The following CDKL5 variants were observed in gnomAD, a reference collection of about 807,000 sequenced individuals.
The protein encoded by CDKL5 is cyclin dependent kinase like 5.
A neutral mutation model predicts 61.7 loss-of-function variants in CDKL5; 8 were observed. The observed-to-expected ratio is 0.13, with a 90% CI of 0.08 to 0.23. The LOEUF (loss-of-function observed/expected upper bound fraction) is 0.23, where lower values mean the gene tolerates loss of function less well. Among genes scored for constraint, CDKL5 ranks in the 10% least tolerant of loss-of-function variants. The probability of loss-of-function intolerance (pLI) is 1.00; values close to 1 mark genes in which losing one functional copy is unlikely to be tolerated. For missense variants in CDKL5, 440 were observed against 734.5 expected, an observed-to-expected ratio of 0.60 and a Z score of 4.63; for synonymous variants, 275 against 272.3, an observed-to-expected ratio of 1.01 and a Z score of -0.10.
chrX:18,613,925 A>G (rs761430581), intron 15 of CDKL5, among the ~76,000 whole-genome samples: 27 of 112,336 alleles, frequency 2.4e-4, no homozygotes, highest in Middle Eastern at 4.2e-3. Context: ...CATCTAATAA[A>G]TATTTAGGGA....
At chrX:18,647,159 C>T (rs776252413) in intron 20 of CDKL5, 78 of 1,204,687 alleles carry the variant, frequency 6.5e-5, no homozygotes, top group Non-Finnish European at 1.1e-6. Context: ...TTTTTAAAAG[C>T]ACATGAAAAA....
downstream of CDKL5, chrX:18,642,058 G>T (rs281865360): frequency 8.3e-7 from 1 of 1,211,645 alleles, no homozygotes; most frequent in Admixed American, 2.2e-5. Flanking sequence ...CAATGCGGAC[G>T]TGCCAGCCCA....
intron 1 of CDKL5, among the ~76,000 whole-genome samples, chrX:18,501,887 T>C (rs1195801621): frequency 3.5e-5 from 4 of 112,725 alleles, no homozygotes; most frequent in Non-Finnish European, 7.5e-5. Flanking sequence ...CAGAACTTTT[T>C]GGGTCTTCTT....
At position 18,613,251 on chromosome X, in the gene CDKL5, A is replaced by G. The variant is rs1279593666; in HGVS notation, c.2252A>G (p.Lys751Arg). The G allele has an allele frequency of 8.3e-7, 1 of 1,203,942 alleles. No homozygotes were observed. ...SESSSGTNHSKRQPAFDPWKS... is the reference protein window; with the variant it reads ...SESSSGTNHSRRQPAFDPWKS... ...AGCAGTTCTGGAACCAACCACTCAA[A>G]AAGACAACCAGCATTCGATCCATGG... Residue 751 changes from lysine (K) to arginine (R), a missense_variant, in exon 15 of 18, where the codon AAA becomes AGA. By Grantham distance (26) the Lys-to-Arg change is conservative (BLOSUM62 2). Transcript: ENST00000623535.
intron 1 of CDKL5, among the ~76,000 whole-genome samples, chrX:18,458,061 C>A (rs1373622925): frequency 1.9e-5 from 2 of 106,501 alleles, no homozygotes; most frequent in African/African-American, 6.9e-5. Flanking sequence ...GCTGGGATTA[C>A]AGGCATGCGC....
At chrX:18,451,109 T>C (rs1221941336) in intron 1 of CDKL5, among the ~76,000 whole-genome samples, 1 of 111,803 alleles carries the variant, frequency 8.9e-6, no homozygotes, top group Non-Finnish European at 1.9e-5. Flanking sequence ...CCTTGGTAGG[T>C]ATAGAGTAAA....
At chrX:18,480,303 C>G (rs779714698) in intron 1 of CDKL5, among the ~76,000 whole-genome samples, 6 of 111,351 alleles carry the variant, frequency 5.4e-5, no homozygotes, top group Non-Finnish European at 1.1e-4. Flanking sequence ...TGATGTTTTC[C>G]TTGTGATTAG....
intron 11 of CDKL5, among the ~76,000 whole-genome samples, chrX:18,602,613 G>A (rs778652716): frequency 4.5e-5 from 5 of 111,240 alleles, no homozygotes; most frequent in South Asian, 3.8e-4. Flanking sequence ...AGGCTTGCTC[G>A]ATATCAGATT....
intron 3 of CDKL5, among the ~76,000 whole-genome samples, chrX:18,550,507 T>G (rs1404081454): frequency 2.7e-5 from 3 of 112,570 alleles, no homozygotes; most frequent in Non-Finnish European, 5.6e-5. Flanking sequence ...TACAGAAAAT[T>G]TAAAAGCTAC....
intron 8 of CDKL5, among the ~76,000 whole-genome samples, chrX:18,586,087 A>C (rs757482063): frequency 9.0e-6 from 1 of 111,501 alleles, no homozygotes; most frequent in South Asian, 3.7e-4. Context: ...TGAAAGCTTT[A>C]CTATTTTTTT....
chrX:18,482,519 T>A (rs1921620004), intron 1 of CDKL5, among the ~76,000 whole-genome samples: 1 of 111,478 alleles, frequency 9.0e-6, no homozygotes, highest in South Asian at 3.7e-4. Flanking sequence ...CCATCCCTTT[T>A]GTGTGTGTAT....
chrX:18,545,545 A>C (rs1368920064), intron 3 of CDKL5, among the ~76,000 whole-genome samples: 1 of 112,197 alleles, frequency 8.9e-6, no homozygotes, highest in African/African-American at 3.2e-5. Context: ...TCTGTTGAGA[A>C]AAGATTCATA....
chrX:18,630,199 C>T lies in CDKL5; in HGVS notation c.*1442C>T, dbSNP rs773528298. The T allele has an allele frequency of 5.6e-5, 42 of 751,104 alleles. No homozygotes were observed. The highest frequency in any genetic ancestry group is 6.3e-5 in the Non-Finnish European group (40 of 638,575). The allele number at this position is 751,104 out of a possible 1,213,427, so 61.9% of individuals were successfully genotyped here. On this transcript the variant is annotated 3_prime_UTR_variant, in exon 18 of 18. Transcript: ENST00000623535. Reference sequence around the variant, plus strand: ...TCATGCACACCTGTTACGCACACAACCCCCATCAGAACAGGACCTATCTTC... The same window carrying T: ...TCATGCACACCTGTTACGCACACAATCCCCATCAGAACAGGACCTATCTTC...
rs769940761 is a variant in CDKL5 at position 18,598,456 on chromosome X, C to T, written c.826-6C>T. 17 of 1,196,486 alleles carry T rather than the reference C, an allele frequency of 1.4e-5. No homozygotes were observed. In the South Asian group the frequency reaches 2.1e-4, roughly 15 times the overall value. On this transcript the variant is annotated splice_polypyrimidine_tract_variant and splice_region_variant and intron_variant, in intron 10 of 17. Transcript: ENST00000623535. ...TTCTTAACGATCCTAAATTTTATTTCCTAAGAATTTACTGAAGTTGGACCC... is the reference window on the plus strand; with the variant it reads ...TTCTTAACGATCCTAAATTTTATTTTCTAAGAATTTACTGAAGTTGGACCC...
chrX:18,444,401 T>A (rs1238077295), intron 1 of CDKL5, among the ~76,000 whole-genome samples: 1 of 111,969 alleles, frequency 8.9e-6, no homozygotes, highest in East Asian at 2.8e-4. Flanking sequence ...AGGGTTTCAC[T>A]AAAAACATTT....
chrX:18,569,435 A>C (rs1028284413), intron 4 of CDKL5, among the ~76,000 whole-genome samples: 16 of 111,950 alleles, frequency 1.4e-4, no homozygotes, highest in Non-Finnish European at 5.6e-5. Flanking sequence ...GATACTAGAG[A>C]TTATTTAGTT....
chrX:18,509,197 G>GCACACACGCACA (rs1555940194), intron 2 of CDKL5, among the ~76,000 whole-genome samples: 13 of 64,308 alleles, frequency 2.0e-4, no homozygotes, highest in African/African-American at 6.5e-4. Flanking sequence ...CTCAAAACAC[G>GCACACACGCACA]CACACACACA....
At position 18,526,338 on chromosome X, in the gene CDKL5, C is replaced by CT. The variant is rs776947293; in HGVS notation, c.99+15492dup. Among the ~76,000 whole-genome samples the CT allele has an allele frequency of 1.4e-4, 16 of 111,634 alleles. No individual in the cohort carries two copies. The East Asian group carries it at 4.5e-3, about 31-fold the overall frequency. On this transcript the variant is annotated intron_variant, in intron 3 of 17. Coordinates refer to ENST00000623535, the MANE Select transcript of CDKL5 (RefSeq NM_001323289.2). The stretch of plus-strand genomic sequence containing the variant: ...TTAGTAGTTCCAGGTTTTTCTTTTT[C>CT]TTTTTTTTGTTTTTGTAGATTCTTT...
At chrX:18,533,061 TAAATA>T (rs1923700497) in intron 3 of CDKL5, among the ~76,000 whole-genome samples, 2 of 112,155 alleles carry the variant, frequency 1.8e-5, no homozygotes, top group Non-Finnish European at 3.8e-5. Context: ...ATTAAAATGT[TAAATA>T]GAATGTAATT....
Sources: allele counts gnomAD v4.1 joint callset (sites outside exome capture counted in the v4.1 genomes callset), GRCh38; gene constraint gnomAD v4.1.1; transcripts MANE v1.5; gene names NCBI Gene and HGNC (gene_info 2026-07-23, HGNC 2026-07-21).